Variants in DCC observed in about 807,000 individuals in gnomAD.
DCC encodes the protein DCC netrin 1 receptor, also known as netrin receptor DCC.
DCC carries 58 observed loss-of-function variants against 172.5 expected under a neutral mutation model. The ratio of observed to expected loss-of-function variants is 0.34; its 90% CI spans 0.27 to 0.42. The LOEUF (loss-of-function observed/expected upper bound fraction) is 0.42, where lower values mean the gene tolerates loss of function less well. Among genes scored for constraint, DCC ranks in the 10% least tolerant of loss-of-function variants. The pLI is 1.00. For synonymous variants in DCC, 709 were observed against 644.5 expected, an observed-to-expected ratio of 1.10 and a Z score of -1.52; for missense variants, 1,740 against 1,791.0, an observed-to-expected ratio of 0.97 and a Z score of 0.51.
At chr18:52,798,032 G>A (rs1220300643) in intron 2 of DCC, among the ~76,000 whole-genome samples, 2 of 129,258 alleles carry the variant, frequency 1.5e-5, no homozygotes, top group Non-Finnish European at 3.5e-5. Flanking sequence ...ATCCCCAGAT[G>A]CCAGGTTGCT....
At chr18:53,421,590 A>G (rs960821019) in intron 21 of DCC, among the ~76,000 whole-genome samples, 2 of 152,198 alleles carry the variant, frequency 1.3e-5, no homozygotes, top group Admixed American at 6.6e-5. Context: ...ATAATGGTCT[A>G]GCTTTTCATT....
intron 26 of DCC, among the ~76,000 whole-genome samples, chr18:53,498,561 G>A (rs1481300006): frequency 3.6e-4 from 51 of 139,774 alleles, no homozygotes; most frequent in South Asian, 4.6e-4. Context: ...GTGTTCTCTG[G>A]AAAAAAAAAA....
intron 1 of DCC, among the ~76,000 whole-genome samples, chr18:52,615,254 A>C (rs1255208933): frequency 6.6e-6 from 1 of 152,200 alleles, no homozygotes; most frequent in African/African-American, 2.4e-5. Context: ...AATTTATGTC[A>C]GTTGCAGACA....
rs186182298 is a variant in DCC, at chr18:53,271,829, G to A, written c.1912-33749G>A. On this transcript the variant is annotated intron_variant, in intron 12 of 28. Transcript: ENST00000442544. ...ACCATTTTTGAGGCTGCCTACCAGCGTCTCCCCTTGTCAGCCTAAGATAAG... is the reference window on the plus strand; with the variant it reads ...ACCATTTTTGAGGCTGCCTACCAGCATCTCCCCTTGTCAGCCTAAGATAAG... Among the ~76,000 whole-genome samples the A allele has an allele frequency of 3.3e-3, 508 of 152,260 alleles. 4 individuals are homozygous for A. The highest frequency in any genetic ancestry group is 0.022 in the Admixed American group (336 of 15,288).
At chr18:52,611,557 A>G (rs1355553816) in intron 1 of DCC, among the ~76,000 whole-genome samples, 1 of 152,112 alleles carries the variant, frequency 6.6e-6, no homozygotes, top group Non-Finnish European at 1.5e-5. Context: ...TCTTCCAAAA[A>G]CTGTAAGTAA....
At chr18:52,467,382 T>A (rs572738021) in intron 1 of DCC, among the ~76,000 whole-genome samples, 1 of 97,624 alleles carries the variant, frequency 1.0e-5, no homozygotes, top group Non-Finnish European at 2.9e-5. Context: ...GAACTCATCC[T>A]TTTTTTATGG....
chr18:52,394,652 G>T (rs1986152087), intron 1 of DCC, among the ~76,000 whole-genome samples: 1 of 151,950 alleles, frequency 6.6e-6, no homozygotes, highest in African/African-American at 2.4e-5. Flanking sequence ...GGTTTTGGAG[G>T]TCAGACCCTT....
chr18:52,633,909 CT>C (rs1301266098), intron 1 of DCC, among the ~76,000 whole-genome samples: 1 of 152,248 alleles, frequency 6.6e-6, no homozygotes, highest in African/African-American at 2.4e-5. Flanking sequence ...AGCACAGCCC[CT>C]GATTCTCAGG....
chr18:53,405,542 G>A (rs1261212279), intron 19 of DCC, among the ~76,000 whole-genome samples: 4 of 152,096 alleles, frequency 2.6e-5, no homozygotes, highest in Non-Finnish European at 5.9e-5. Context: ...TCCATTCTAG[G>A]GTGAGGCTTT....
At chr18:53,024,649 T>G (rs1196077943) in intron 5 of DCC, among the ~76,000 whole-genome samples, 2 of 152,160 alleles carry the variant, frequency 1.3e-5, no homozygotes, top group Non-Finnish European at 2.9e-5. Context: ...CTCTGATGAC[T>G]GCTTTCTTGT....
chr18:53,449,519 A>G (rs1161373536), intron 22 of DCC, among the ~76,000 whole-genome samples: 2 of 152,196 alleles, frequency 1.3e-5, no homozygotes, highest in African/African-American at 4.8e-5. Flanking sequence ...CACCTTTAAC[A>G]GGTTGAAAAT....
At chr18:53,057,493 T>G (rs1356518961) in intron 5 of DCC, among the ~76,000 whole-genome samples, 1 of 152,232 alleles carries the variant, frequency 6.6e-6, no homozygotes, top group Non-Finnish European at 1.5e-5. Context: ...TAAAAATGAT[T>G]CTTTATGTAT....
intron 27 of DCC, among the ~76,000 whole-genome samples, chr18:53,500,093 TC>T (rs1425587235): frequency 2.0e-5 from 3 of 152,136 alleles, no homozygotes; most frequent in African/African-American, 7.2e-5. Flanking sequence ...TATGGTCCTT[TC>T]TAAGAAAATA....
chr18:53,275,067 A>G (rs531846302), intron 12 of DCC, among the ~76,000 whole-genome samples: 1 of 152,120 alleles, frequency 6.6e-6, no homozygotes, highest in African/African-American at 2.4e-5. Context: ...GATAATTAAT[A>G]TTTGGTGCCT....
chr18:53,093,498 A>G (rs894135509), intron 7 of DCC, among the ~76,000 whole-genome samples: 1 of 152,200 alleles, frequency 6.6e-6, no homozygotes, highest in South Asian at 2.1e-4. Flanking sequence ...ATTTGAGCTC[A>G]TGACATGTTT....
intron 18 of DCC, among the ~76,000 whole-genome samples, chr18:53,397,681 AG>A (rs1183425637): frequency 6.6e-6 from 1 of 152,172 alleles, no homozygotes; most frequent in African/African-American, 2.4e-5. Flanking sequence ...CGGTTTCTTC[AG>A]GGTGTTAACT....
At chr18:52,575,854 A>G (rs1368972603) in intron 1 of DCC, among the ~76,000 whole-genome samples, 2 of 152,192 alleles carry the variant, frequency 1.3e-5, no homozygotes, top group African/African-American at 4.8e-5. Flanking sequence ...CTTAGTAAGT[A>G]AGTAACCTCA....
intron 1 of DCC, among the ~76,000 whole-genome samples, chr18:52,549,401 T>C (rs1052234038): frequency 1.3e-5 from 2 of 152,022 alleles, no homozygotes; most frequent in African/African-American, 4.8e-5. Context: ...TTGTCTCCTG[T>C]CTGGACACTT....
At chr18:52,861,740 T>C (rs1386051175) in intron 2 of DCC, among the ~76,000 whole-genome samples, 1 of 152,180 alleles carries the variant, frequency 6.6e-6, no homozygotes, top group Admixed American at 6.6e-5. Flanking sequence ...GGGTTAGCAA[T>C]ATTTATGATT....
Sources: allele counts gnomAD v4.1 joint callset (sites outside exome capture counted in the v4.1 genomes callset), GRCh38; gene constraint gnomAD v4.1.1; transcripts MANE v1.5; gene names NCBI Gene and HGNC (gene_info 2026-07-23, HGNC 2026-07-21).